Variants in CNTLN observed in about 807,000 individuals in gnomAD.
CNTLN encodes centlein, centrosomal protein.
In CNTLN, 212 loss-of-function variants were observed where a neutral mutation model predicts 180.0. The ratio of observed to expected loss-of-function variants is 1.18; its 90% confidence interval spans 1.05 to 1.32. The LOEUF is 1.32. Among genes scored for constraint, CNTLN ranks in the 40% most tolerant of loss-of-function variants. CNTLN has a pLI of 0.00. For synonymous variants in CNTLN, 722 were observed against 563.1 expected (o/e 1.28, Z -3.99); for missense variants, 2,095 against 1,610.9 (o/e 1.30, Z -5.14).
chr9:17,396,148 A>C (rs1434339661), intron 15 of CNTLN, among the ~76,000 whole-genome samples: 1 of 152,050 alleles, frequency 6.6e-6, no homozygotes, highest in Admixed American at 6.5e-5. Context: ...TGAATAATAC[A>C]CCCCTAGTTT....
chr9:17,394,513 A>G (rs1293105793), intron 14 of CNTLN, 21 bp from the exon 15 acceptor site: 7 of 1,449,334 alleles, frequency 4.8e-6, no homozygotes, highest in Non-Finnish European at 6.5e-6. Context: ...GATTCTTAAA[A>G]GAATAAACTC....
intron 12 of CNTLN, among the ~76,000 whole-genome samples, chr9:17,362,897 T>A (rs1035487097): frequency 6.6e-6 from 1 of 151,930 alleles, no homozygotes; most frequent in Non-Finnish European, 1.5e-5. Flanking sequence ...TAGTCCCCCA[T>A]ACCCCAACAG....
the CNTLN span, among the ~76,000 whole-genome samples, chr9:17,513,698 T>C: frequency 1.3e-5 from 2 of 151,728 alleles, no homozygotes; most frequent in East Asian, 3.9e-4. Flanking sequence ...AATGCGACCC[T>C]GTCTTTAAAA....
chr9:17,289,967 G>T (rs1829255868), intron 6 of CNTLN, among the ~76,000 whole-genome samples: 2 of 151,446 alleles, frequency 1.3e-5, no homozygotes, highest in South Asian at 4.2e-4. Flanking sequence ...TCCTCCCGTA[G>T]CTCAGAGTAA....
intron 23 of CNTLN, among the ~76,000 whole-genome samples, chr9:17,470,324 G>A (rs574569414): frequency 1.1e-4 from 16 of 152,012 alleles, no homozygotes; most frequent in Admixed American, 3.3e-4. Context: ...AATGCACATG[G>A]TACCTACATG....
intron 2 of CNTLN, among the ~76,000 whole-genome samples, chr9:17,175,869 AT>A (rs1425219713): frequency 6.6e-6 from 1 of 152,134 alleles, no homozygotes; most frequent in Non-Finnish European, 1.5e-5. Flanking sequence ...ACTTTTTGGT[AT>A]GATGGTAAAT....
intron 18 of CNTLN, among the ~76,000 whole-genome samples, chr9:17,442,285 A>C (rs188510986): frequency 1.1e-3 from 171 of 152,312 alleles, no homozygotes; most frequent in African/African-American, 4.1e-3. Flanking sequence ...AACATACCTT[A>C]AATTTAAGAA....
At chr9:17,407,937 C>T (rs1827524025) in intron 15 of CNTLN, among the ~76,000 whole-genome samples, 1 of 151,750 alleles carries the variant, frequency 6.6e-6, no homozygotes, top group Non-Finnish European at 1.5e-5. Flanking sequence ...ACCAGCCTGA[C>T]CAACATGGTG....
At chr9:17,526,964 G>A in the CNTLN span, among the ~76,000 whole-genome samples, 5 of 151,962 alleles carry the variant, frequency 3.3e-5, no homozygotes, top group African/African-American at 1.2e-4. Flanking sequence ...TGCAACTTCC[G>A]CCTCCTGGGT....
intron 6 of CNTLN, among the ~76,000 whole-genome samples, chr9:17,279,710 G>T (rs1828541956): frequency 6.6e-6 from 1 of 152,002 alleles, no homozygotes; most frequent in Non-Finnish European, 1.5e-5. Flanking sequence ...GGTCTTTAAA[G>T]GGATAGTCCT....
At chr9:17,366,915 T>TA (rs973455775) in intron 13 of CNTLN, among the ~76,000 whole-genome samples, 198 bp downstream of exon 13, 2 of 152,134 alleles carry the variant, frequency 1.3e-5, no homozygotes, top group African/African-American at 4.8e-5. Flanking sequence ...TGTAATTTAT[T>TA]AAAAAATCTA....
chr9:17,142,688 A>G (rs557918434), intron 1 of CNTLN, among the ~76,000 whole-genome samples: 1 of 152,178 alleles, frequency 6.6e-6, no homozygotes, highest in African/African-American at 2.4e-5. Flanking sequence ...CTTTTAAAAC[A>G]TACTGATGCT....
chr9:17,171,680 G>T (rs890738487), intron 2 of CNTLN, among the ~76,000 whole-genome samples: 1 of 152,050 alleles, frequency 6.6e-6, no homozygotes, highest in African/African-American at 2.4e-5. Flanking sequence ...TGGAGGGAGG[G>T]ATGGTGACTC....
At chr9:17,343,695 A>G (rs1177880572) in intron 12 of CNTLN, among the ~76,000 whole-genome samples, 1 of 152,148 alleles carries the variant, frequency 6.6e-6, no homozygotes, top group Non-Finnish European at 1.5e-5. Context: ...AAGTCATACA[A>G]TTCACTTATA....
intron 2 of CNTLN, among the ~76,000 whole-genome samples, chr9:17,152,832 A>T (rs896147720): frequency 3.9e-5 from 6 of 152,156 alleles, no homozygotes; most frequent in Non-Finnish European, 8.8e-5. Context: ...TGTTTTATGA[A>T]TCTGGGTGTT....
chr9:17,212,173 A>G (rs1381472872), intron 2 of CNTLN, among the ~76,000 whole-genome samples: 6 of 152,152 alleles, frequency 3.9e-5, no homozygotes, highest in Non-Finnish European at 5.9e-5. Context: ...CCCATTCAGT[A>G]TGATATTGGC....
At chr9:17,157,481 GT>G (rs1228999815) in intron 2 of CNTLN, among the ~76,000 whole-genome samples, 1 of 152,146 alleles carries the variant, frequency 6.6e-6, no homozygotes, top group Non-Finnish European at 1.5e-5. Context: ...TTTCCTCAAT[GT>G]GAAAGTTAAT....
At chr9:17,356,287 C>T (rs1453526617) in intron 12 of CNTLN, among the ~76,000 whole-genome samples, 1 of 152,080 alleles carries the variant, frequency 6.6e-6, no homozygotes, top group Non-Finnish European at 1.5e-5. Context: ...TAATCAAGCA[C>T]AAGAAACTCA....
chr9:17,162,998 G>A (rs1042890878), intron 2 of CNTLN, among the ~76,000 whole-genome samples: 18 of 152,144 alleles, frequency 1.2e-4, no homozygotes, highest in African/African-American at 4.3e-4. Context: ...AGGAAAAGAG[G>A]TGTAATTGAT....
Sources: gnomAD v4.1 joint callset for allele counts (sites outside exome capture counted in the v4.1 genomes callset) on GRCh38, gnomAD v4.1.1 for gene constraint, MANE v1.5 for transcripts, NCBI Gene and HGNC (gene_info 2026-07-23, HGNC 2026-07-21) for gene names.